Variants in OXCT1 observed in about 807,000 individuals in gnomAD.
OXCT1 encodes 3-oxoacid CoA-transferase 1.
OXCT1 carries 27 observed loss-of-function variants against 69.6 expected under a neutral mutation model. That is an observed-to-expected ratio of 0.39 (90% CI 0.29 to 0.54). OXCT1 has a LOEUF of 0.54. Ranked by LOEUF, OXCT1 falls within the 20% of genes least tolerant of loss-of-function variation. The pLI, the probability that OXCT1 is intolerant of heterozygous loss-of-function variation, is 0.72. For synonymous variants in OXCT1, 202 were observed against 217.8 expected (o/e 0.93, Z 0.64); for missense variants, 437 against 650.2 (o/e 0.67, Z 3.57).
intron 7 of OXCT1, among the ~76,000 whole-genome samples, chr5:41,810,459 G>A (rs116023978): frequency 6.6e-6 from 1 of 152,146 alleles, no homozygotes; most frequent in African/African-American, 2.4e-5. Context: ...AGAACAACCC[G>A]GACTTCTCCA....
At chr5:41,844,396 T>A (rs1164749430) in intron 5 of OXCT1, among the ~76,000 whole-genome samples, 1 of 152,172 alleles carries the variant, frequency 6.6e-6, no homozygotes, top group Non-Finnish European at 1.5e-5. Flanking sequence ...TCACACTCAG[T>A]TGATCATTCC....
At chr5:41,846,941 T>C (rs1428030637) in intron 5 of OXCT1, among the ~76,000 whole-genome samples, 8 of 152,334 alleles carry the variant, frequency 5.3e-5, no homozygotes, top group African/African-American at 1.9e-4. Context: ...TTGAGAAGTG[T>C]CTGTTCATGT....
At chr5:41,739,589 G>A (rs375429459) in intron 15 of OXCT1, 98 bp from the exon 16 acceptor site, 13 of 900,674 alleles carry the variant, frequency 1.4e-5, no homozygotes, top group African/African-American at 1.3e-4. Flanking sequence ...GACGAGGTCG[G>A]GTGTGGTGGC....
chr5:41,797,264 T>C (rs77860498), intron 11 of OXCT1, among the ~76,000 whole-genome samples: 2,160 of 152,310 alleles, frequency 0.014, 100 homozygotes, highest in South Asian at 0.079. Flanking sequence ...GATCTCCCTA[T>C]ATTATTTGTG....
intron 16 of OXCT1, 132 bp from the exon 17 acceptor site, chr5:41,731,902 T>C: frequency 9.0e-7 from 1 of 1,109,286 alleles, no homozygotes; most frequent in African/African-American, 1.6e-5. Context: ...AGTTTCCATA[T>C]GATTTTCCAT....
chr5:41,788,398 C>T (rs1036845562), intron 13 of OXCT1, among the ~76,000 whole-genome samples: 2 of 152,070 alleles, frequency 1.3e-5, no homozygotes, highest in African/African-American at 4.8e-5. Context: ...ATGGTCTAAA[C>T]CTCCAATTAT....
At chr5:41,852,811 C>T (rs923643635) in intron 4 of OXCT1, among the ~76,000 whole-genome samples, 1 of 152,112 alleles carries the variant, frequency 6.6e-6, no homozygotes, top group Non-Finnish European at 1.5e-5. Context: ...TGGTGGCTTA[C>T]ACCTGTGAGG....
intron 8 of OXCT1, among the ~76,000 whole-genome samples, 158 bp downstream of exon 8, chr5:41,807,173 C>A (rs1746720602): frequency 6.6e-6 from 1 of 151,970 alleles, no homozygotes; most frequent in Admixed American, 6.6e-5. Context: ...CATAGACCAT[C>A]ATATCCCCAT....
chr5:41,738,850 T>G (rs1743018158), intron 16 of OXCT1, among the ~76,000 whole-genome samples: 1 of 152,242 alleles, frequency 6.6e-6, no homozygotes, highest in African/African-American at 2.4e-5. Context: ...GCTTTGTAAG[T>G]CTGTTTTATG....
intron 7 of OXCT1, among the ~76,000 whole-genome samples, chr5:41,816,350 T>C (rs914271322): frequency 6.6e-6 from 1 of 152,202 alleles, no homozygotes; most frequent in Non-Finnish European, 1.5e-5. Context: ...TTTTCAAAAC[T>C]AGATCTTTAA....
At chr5:41,805,415 A>C (rs1277245374) in intron 9 of OXCT1, 152 bp downstream of exon 9, 27 of 633,154 alleles carry the variant, frequency 4.3e-5, no homozygotes, top group Non-Finnish European at 5.9e-5. Context: ...ATTATATGCC[A>C]CATTTTGTAA....
intron 5 of OXCT1, among the ~76,000 whole-genome samples, chr5:41,847,622 C>A (rs1200612336): frequency 6.6e-6 from 1 of 151,364 alleles, no homozygotes; most frequent in African/African-American, 2.4e-5. Context: ...AAGGCTGGTT[C>A]AATATACACA....
At position 41,852,856 on chromosome 5, in the gene OXCT1, G is replaced by A. The variant is rs771021200; in HGVS notation, c.414+563C>T. 5.9e-5 allele frequency among the ~76,000 whole-genome samples: 9 copies of A among 152,074 alleles called. No homozygotes were observed. In the South Asian group the frequency reaches 6.2e-4, roughly 11 times the overall value. On this transcript the variant is annotated intron_variant, in intron 4 of 16. Transcript: ENST00000196371. Reference sequence around the variant, plus strand: ...GCGGCTCATTTGAGGTCAGGAGTTCGAGACCAGCCTGGCCAACATGGTGAA... The same window carrying A: ...GCGGCTCATTTGAGGTCAGGAGTTCAAGACCAGCCTGGCCAACATGGTGAA...
chr5:41,772,317 G>A (rs1744906892), intron 13 of OXCT1, among the ~76,000 whole-genome samples: 1 of 151,040 alleles, frequency 6.6e-6, no homozygotes, highest in Non-Finnish European at 1.5e-5. Context: ...TAGACTTAAT[G>A]TAATTACACC....
rs181126939 is a variant in OXCT1 at position 41,846,128 on chromosome 5, T to G, written c.565-3347A>C. On this transcript the variant is annotated intron_variant, in intron 5 of 16. Transcript: ENST00000196371. ...TTTATTTATGTATGTATGTATGTAT[T>G]TATTTATTTATTATTATTATACTTT... Among the ~76,000 whole-genome samples the G allele has an allele frequency of 2.5e-3, 380 of 151,940 alleles. 4 individuals are homozygous for G. The highest frequency in any genetic ancestry group is 3.1e-3 in the Non-Finnish European group (208 of 67,932).
At chr5:41,780,440 G>A (rs1356949229) in intron 13 of OXCT1, among the ~76,000 whole-genome samples, 4 of 152,076 alleles carry the variant, frequency 2.6e-5, no homozygotes, top group Non-Finnish European at 5.9e-5. Context: ...ACAGTATAAA[G>A]GACATTTACT....
At chr5:41,867,994 A>G (rs1217879572) in intron 1 of OXCT1, among the ~76,000 whole-genome samples, 2 of 152,190 alleles carry the variant, frequency 1.3e-5, no homozygotes, top group African/African-American at 2.4e-5. Context: ...AGCAGCATCA[A>G]CATCACCTGG....
In OXCT1 at chr5:41,762,974, A is replaced by T. The variant is rs1028908050; in HGVS notation, c.1249-774T>A. Among the ~76,000 whole-genome samples, 3 of 152,094 alleles carry T rather than the reference A, an allele frequency of 2.0e-5. No homozygotes were observed. The highest frequency in any genetic ancestry group is 4.8e-5 in the African/African-American group (2 of 41,444). ...AAGTGTTTCCAGAGATGATAAAATG[A>T]TTCTTACTCAAGTATATTGAGGAGA... On this transcript the variant is annotated intron_variant, in intron 13 of 16. Transcript: ENST00000196371. This position sits in a 1 kb window ranked among gnomAD's most constrained non-coding sequence, Gnocchi z 4.0.
At chr5:41,759,028 CT>C (rs964144105) in intron 14 of OXCT1, among the ~76,000 whole-genome samples, 1 of 144,896 alleles carries the variant, frequency 6.9e-6, no homozygotes, top group African/African-American at 2.6e-5. Flanking sequence ...GGATTATTTT[CT>C]TTTAAACATA....
Sources: gnomAD v4.1 joint callset for allele counts (sites outside exome capture counted in the v4.1 genomes callset) on GRCh38, gnomAD v4.1.1 for gene constraint, Gnocchi (gnomAD v3.1) non-coding constraint, MANE v1.5 for transcripts, NCBI Gene and HGNC (gene_info 2026-07-23, HGNC 2026-07-21) for gene names.